Variants in KIRREL3 observed in about 807,000 individuals in gnomAD.
KIRREL3 encodes the protein kin of IRRE-like protein 3.
Under a neutral mutation model 89.7 loss-of-function variants are expected in KIRREL3, and 36 were observed. The observed-to-expected ratio is 0.40, with a 90% CI of 0.31 to 0.53. KIRREL3 has a LOEUF of 0.53. KIRREL3 is among the 20% of genes least tolerant of loss of function. The pLI, the probability that KIRREL3 is intolerant of heterozygous loss-of-function variation, is 0.49. For missense variants in KIRREL3, 864 were observed against 1,056.6 expected, an observed-to-expected ratio of 0.82 and a Z score of 2.53; for synonymous variants, 445 against 441.4, an observed-to-expected ratio of 1.01 and a Z score of -0.10.
At chr11:126,466,340 G>A (rs1956725446) in intron 5 of KIRREL3, among the ~76,000 whole-genome samples, 1 of 152,244 alleles carries the variant, frequency 6.6e-6, no homozygotes, top group Non-Finnish European at 1.5e-5. Flanking sequence ...CCCGTGGAAG[G>A]TCCCAGCACC....
At chr11:126,632,139 C>T (rs569114616) in intron 1 of KIRREL3, among the ~76,000 whole-genome samples, 1 of 152,358 alleles carries the variant, frequency 6.6e-6, no homozygotes, top group East Asian at 1.9e-4. Flanking sequence ...TCTGAATTTC[C>T]AATAAGTTCC....
chr11:126,914,673 C>T (rs1303868702), intron 1 of KIRREL3, among the ~76,000 whole-genome samples: 1 of 152,224 alleles, frequency 6.6e-6, no homozygotes, highest in Non-Finnish European at 1.5e-5. Context: ...GCATACGCCA[C>T]TTTTTCTTCT....
At chr11:126,827,638 G>A (rs1943462847) in intron 1 of KIRREL3, among the ~76,000 whole-genome samples, 1 of 152,190 alleles carries the variant, frequency 6.6e-6, no homozygotes, top group Non-Finnish European at 1.5e-5. Flanking sequence ...ACCATATAAT[G>A]TATGGCTGCA....
Position 126,610,177 on chromosome 11 carries a change from G to T in KIRREL3, c.56-47265C>A, listed in dbSNP as rs894812081. 6.6e-6 allele frequency among the ~76,000 whole-genome samples: 1 copy of T among 151,708 alleles called. No individual in the cohort carries two copies. The highest frequency in any genetic ancestry group is 6.6e-5 in the Admixed American group (1 of 15,214). ...AAGATCTCGGCTCACTGCAACCTTC[G>T]CCTCCCAGGTTCAAGCGATTCTCCT... On this transcript the variant is annotated intron_variant, in intron 1 of 16. Coordinates refer to ENST00000525144, the MANE Select transcript of KIRREL3 (RefSeq NM_032531.4). The surrounding 1 kb of genome is among the most constrained non-coding windows in gnomAD (Gnocchi z 4.6).
At chr11:126,800,371 A>T (rs1231160744) in intron 1 of KIRREL3, among the ~76,000 whole-genome samples, 5 of 152,126 alleles carry the variant, frequency 3.3e-5, no homozygotes, top group Non-Finnish European at 5.9e-5. Context: ...CTCACAATAA[A>T]GCTGGAGCTT....
At chr11:126,916,176 C>A (rs751207883) in intron 1 of KIRREL3, among the ~76,000 whole-genome samples, 18 of 152,052 alleles carry the variant, frequency 1.2e-4, no homozygotes, top group Non-Finnish European at 2.2e-4. Flanking sequence ...AGCAGATGAG[C>A]CCAGATATGG....
rs1341277146 is a variant in KIRREL3, at chr11:126,771,622, G to A, written c.56-208710C>T. ...GACACTGTCTTTCACATTCAGTGCT[G>A]TATTACCAGTGCTCCTCCTGATCTC... On this transcript the variant is annotated intron_variant, in intron 1 of 16. Coordinates refer to ENST00000525144, the MANE Select transcript of KIRREL3 (RefSeq NM_032531.4). This position sits in a 1 kb window ranked among gnomAD's most constrained non-coding sequence, Gnocchi z 4.4. 6.6e-6 allele frequency among the ~76,000 whole-genome samples: 1 copy of A among 152,174 alleles called. No individual in the cohort carries two copies. The highest frequency in any genetic ancestry group is 2.4e-5 in the African/African-American group (1 of 41,424).
Position 126,614,754 on chromosome 11 carries a change from G to A in KIRREL3, c.56-51842C>T, listed in dbSNP as rs547031894. ...GGATTGTGATTCTGTGCTGGGGTTC[G>A]AGGTGTCTCCGCTGGGAGACTCTGG... On this transcript the variant is annotated intron_variant, in intron 1 of 16. Transcript: ENST00000525144. The surrounding 1 kb of genome is among the most constrained non-coding windows in gnomAD (Gnocchi z 4.6). Among the ~76,000 whole-genome samples the A allele has an allele frequency of 6.6e-6, 1 of 152,312 alleles. No homozygotes were observed. The highest frequency in any genetic ancestry group is 2.1e-4 in the South Asian group (1 of 4,818).
rs1053637755 is a variant in KIRREL3, at chr11:126,440,519, T to A, written c.1283A>T (p.Gln428Leu). 1 of 1,601,854 alleles carries A rather than the reference T, an allele frequency of 6.2e-7. No individual in the cohort carries two copies. Among genetic ancestry groups the A allele is most frequent in the Non-Finnish European group, 8.5e-7 (1 of 1,174,700 alleles). ...GPPIISSTQT[Q>L]HALHGEKGQI... ...GCCCTTCTCGCCGTGGAGGGCGTGC[T>A]GGGTCTGGGTGCTGGAGATGATGGG... is the stretch of plus-strand genomic sequence containing the variant. The change falls in exon 11 of 17, where the codon CAG becomes CTG. Residue 428 changes from glutamine (Q) to leucine (L), a missense_variant. Transcript: ENST00000525144.
rs188730175 is a variant in KIRREL3, at chr11:126,929,568, C to T, written c.55+70887G>A. The stretch of plus-strand genomic sequence containing the variant: ...CCAAATACCAAAAGCCAAATAAGAC[C>T]ACGTAAAAGCAAACAGAGCCTCCTC... On this transcript the variant is annotated intron_variant, in intron 1 of 16. Coordinates refer to ENST00000525144, the MANE Select transcript of KIRREL3 (RefSeq NM_032531.4). 2.3e-3 allele frequency among the ~76,000 whole-genome samples: 343 copies of T among 152,094 alleles called. 1 individual carries two copies. The highest frequency in any genetic ancestry group is 7.7e-3 in the African/African-American group (319 of 41,488).
At chr11:126,815,303 G>A (rs1946057) in intron 1 of KIRREL3, among the ~76,000 whole-genome samples, 131,365 of 152,028 alleles carry the variant, frequency 0.86, 57,080 homozygotes, top group East Asian at 1. Flanking sequence ...GAAGGAAGGG[G>A]CAAGCCTAGT....
intron 1 of KIRREL3, among the ~76,000 whole-genome samples, chr11:126,951,130 G>T (rs191500943): frequency 3.3e-5 from 5 of 152,150 alleles, no homozygotes; most frequent in African/African-American, 1.2e-4. Context: ...ATATCTTTTG[G>T]GGGGCCATCA....
At chr11:126,657,067 A>T (rs1445335934) in intron 1 of KIRREL3, among the ~76,000 whole-genome samples, 2 of 152,016 alleles carry the variant, frequency 1.3e-5, no homozygotes, top group East Asian at 3.9e-4. Flanking sequence ...AAAAAAAAGA[A>T]ACAAAAAAAA....
At chr11:126,822,479 T>C (rs995064908) in intron 1 of KIRREL3, among the ~76,000 whole-genome samples, 3 of 38,424 alleles carry the variant, frequency 7.8e-5, no homozygotes, top group Non-Finnish European at 8.7e-5. Context: ...GTTCCTGTTT[T>C]AATAGGAATT....
rs1353822340 is a variant in KIRREL3 at position 126,627,269 on chromosome 11, T to G, written c.56-64357A>C. 6.6e-6 allele frequency among the ~76,000 whole-genome samples: 1 copy of G among 152,130 alleles called. No individual in the cohort carries two copies. The highest frequency in any genetic ancestry group is 1.9e-4 in the East Asian group (1 of 5,194). ...TTTGGGAGAGGTGGCTGTAGGATGC[T>G]GAGGATTCCTGGGGGAGATGAGGAA... On this transcript the variant is annotated intron_variant, in intron 1 of 16. Coordinates refer to ENST00000525144, the MANE Select transcript of KIRREL3 (RefSeq NM_032531.4). The surrounding 1 kb of genome is among the most constrained non-coding windows in gnomAD (Gnocchi z 5.0).
At chr11:126,478,289 C>T (rs1197656903) in intron 4 of KIRREL3, among the ~76,000 whole-genome samples, 3 of 152,260 alleles carry the variant, frequency 2.0e-5, no homozygotes. Context: ...TTCTGGATCA[C>T]TGGGTTCATT....
rs575766719 is a variant in KIRREL3, at chr11:126,633,164, C to T, written c.56-70252G>A. 1.2e-3 allele frequency among the ~76,000 whole-genome samples: 185 copies of T among 152,210 alleles called. 5 individuals carry two copies. In the South Asian group the frequency reaches 0.035, roughly 29 times the overall value. ...CATGATTTGGGTATGGTATGTTTGG[C>T]CATGCCGAGTCCCAAGTCTCGTGTT... On this transcript the variant is annotated intron_variant, in intron 1 of 16. Transcript: ENST00000525144.
In KIRREL3 at chr11:126,901,954, C is replaced by T. The variant is rs547049473; in HGVS notation, c.55+98501G>A. Among the ~76,000 whole-genome samples, 6 of 152,306 alleles carry T rather than the reference C, an allele frequency of 3.9e-5. No homozygotes were observed. In the South Asian group the frequency reaches 1.2e-3, roughly 32 times the overall value. Reference sequence around the variant, plus strand: ...TTGCCAGGTGGCTTCGGGCACACCCCAACTGCAGCATGGAATGTCTCAAGG... The same window carrying T: ...TTGCCAGGTGGCTTCGGGCACACCCTAACTGCAGCATGGAATGTCTCAAGG... On this transcript the variant is annotated intron_variant, in intron 1 of 16. Coordinates refer to ENST00000525144, the MANE Select transcript of KIRREL3 (RefSeq NM_032531.4).
In KIRREL3 at chr11:126,830,102, G is replaced by GA. The variant is rs373313544; in HGVS notation, c.55+170352dup. On this transcript the variant is annotated intron_variant, in intron 1 of 16. Transcript: ENST00000525144. The surrounding 1 kb of genome is among the most constrained non-coding windows in gnomAD (Gnocchi z 4.9). Reference sequence around the variant, plus strand: ...TTAAACCTTTGGTTGCCTTGCAAAAGAAAAAAAACCCATCCCCTTACTGCT... The same window carrying GA: ...TTAAACCTTTGGTTGCCTTGCAAAAGAAAAAAAAACCCATCCCCTTACTGCT... 3.3e-5 allele frequency among the ~76,000 whole-genome samples: 5 copies of GA among 151,868 alleles called. No individual in the cohort carries two copies. The highest frequency in any genetic ancestry group is 1.9e-4 in the East Asian group (1 of 5,176).
Sources: gnomAD v4.1 joint callset for allele counts (sites outside exome capture counted in the v4.1 genomes callset) on GRCh38, gnomAD v4.1.1 for gene constraint, Gnocchi (gnomAD v3.1) non-coding constraint, MANE v1.5 for transcripts, NCBI Gene and HGNC (gene_info 2026-07-23, HGNC 2026-07-21) for gene names.